IPP: variants seen among roughly 807,000 people sequenced by gnomAD.
IPP encodes intracisternal A particle-promoted polypeptide, also known as actin-binding protein IPP.
IPP carries 41 observed loss-of-function variants against 64.1 expected under a neutral mutation model. The observed-to-expected ratio is 0.64, with a 90% confidence interval of 0.50 to 0.83. The LOEUF (loss-of-function observed/expected upper bound fraction) is 0.83. Ranked by LOEUF, IPP falls within the 40% of genes least tolerant of loss-of-function variation. The pLI, the probability that IPP is intolerant of heterozygous loss-of-function variation, is 0.00. For missense variants in IPP, 649 were observed against 703.0 expected, an observed-to-expected ratio of 0.92 and a Z score of 0.87; for synonymous variants, 214 against 235.2, an observed-to-expected ratio of 0.91 and a Z score of 0.83.
chr1:45,730,185 C>G (rs558394226), intron 3 of IPP, among the ~76,000 whole-genome samples: 1 of 151,986 alleles, frequency 6.6e-6, no homozygotes, highest in African/African-American at 2.4e-5. Flanking sequence ...AACCTTGCTG[C>G]TACAAAAAAT....
intron 1 of IPP, among the ~76,000 whole-genome samples, chr1:45,749,512 GTTTTT>G (rs1172705215): frequency 1.5e-5 from 2 of 134,050 alleles, no homozygotes; most frequent in Non-Finnish European, 3.2e-5. Flanking sequence ...TTTTTGTTTT[GTTTTT>G]GTTTTTTGTT....
chr1:45,737,985 CTAT>C (rs762725927), intron 3 of IPP, among the ~76,000 whole-genome samples: 3 of 152,078 alleles, frequency 2.0e-5, no homozygotes, highest in African/African-American at 4.8e-5. Context: ...TTATTATTAG[CTAT>C]TATTAATCTC....
rs1645421300 is a variant in IPP at position 45,699,661 on chromosome 1, A to T, written c.*305T>A. ...CATATTTTTAGAAAAATCATTCTTG[A>T]GTTTATTTTTTTTCTTTAAGAGACA... is the stretch of plus-strand genomic sequence containing the variant. On this transcript the variant is annotated 3_prime_UTR_variant, in exon 9 of 9. Transcript: ENST00000396478. The T allele has an allele frequency of 9.2e-7, 1 of 1,083,206 alleles. No individual in the cohort carries two copies. The allele number at this position is 1,083,206 out of a possible 1,614,324, so 67.1% of individuals were successfully genotyped here.
At chr1:45,722,868 G>T (rs948755972) in intron 5 of IPP, among the ~76,000 whole-genome samples, 3 of 152,190 alleles carry the variant, frequency 2.0e-5, no homozygotes, top group South Asian at 4.1e-4. Flanking sequence ...CTAAGTGAAA[G>T]AAGTCAGACA....
intron 8 of IPP, among the ~76,000 whole-genome samples, chr1:45,711,981 T>C (rs892663922): frequency 4.6e-5 from 7 of 152,002 alleles, no homozygotes; most frequent in African/African-American, 1.7e-4. Context: ...AGAACAATTG[T>C]GCAAGTAGGA....
intron 1 of IPP, among the ~76,000 whole-genome samples, chr1:45,749,543 C>T (rs1286070220): frequency 2.8e-5 from 3 of 106,736 alleles, no homozygotes; most frequent in Non-Finnish European, 3.8e-5. Context: ...TTTTTTGAGA[C>T]GGAGTCTCGC....
At position 45,732,035 on chromosome 1, in the gene IPP, G is replaced by A. The variant is rs554135396; in HGVS notation, c.725-2266C>T. ...TCAGCTACAAATAGACAGACTCCTC[G>A]TAAGTGCTTCACATGATACAATTGT... On this transcript the variant is annotated intron_variant, in intron 3 of 8. Transcript: ENST00000396478. 2.0e-5 allele frequency among the ~76,000 whole-genome samples: 3 copies of A among 152,074 alleles called. No individual in the cohort carries two copies. The South Asian group carries it at 6.2e-4, about 32-fold the overall frequency.
intron 7 of IPP, among the ~76,000 whole-genome samples, chr1:45,715,369 C>G (rs28539079): frequency 0.1 from 15,565 of 151,726 alleles, 2,512 homozygotes; most frequent in African/African-American, 0.34. Flanking sequence ...AGGCCGGGCG[C>G]GGTGGCTCAC....
intron 3 of IPP, among the ~76,000 whole-genome samples, chr1:45,734,688 C>T (rs769112894): frequency 4.6e-5 from 7 of 151,846 alleles, no homozygotes; most frequent in East Asian, 3.9e-4. Context: ...GGTGAGATCT[C>T]GGCTCACTGC....
intron 2 of IPP, among the ~76,000 whole-genome samples, chr1:45,743,872 C>G (rs982195377): frequency 2.6e-5 from 4 of 151,700 alleles, no homozygotes; most frequent in African/African-American, 4.8e-5. Context: ...CAAAAATTAG[C>G]TGGGCATGTT....
chr1:45,695,153 G>A (rs1645375604), downstream of IPP, among the ~76,000 whole-genome samples: 1 of 151,928 alleles, frequency 6.6e-6, no homozygotes, highest in Admixed American at 6.6e-5. Context: ...TTTTAGCTTT[G>A]GTGTGTTTTT....
intron 8 of IPP, among the ~76,000 whole-genome samples, chr1:45,708,679 CA>C (rs770829388): frequency 0.045 from 1,618 of 36,042 alleles, 27 homozygotes; most frequent in African/African-American, 0.12. Context: ...AACTCACCTC[CA>C]AAAAAAAAAA....
At chr1:45,746,033 G>T (rs981914912) in intron 2 of IPP, 87 bp downstream of exon 2, 1 of 1,140,868 alleles carries the variant, frequency 8.8e-7, no homozygotes, top group South Asian at 1.5e-5. Context: ...TTACCTTCTA[G>T]ATAAGTTAGA....
intron 8 of IPP, among the ~76,000 whole-genome samples, chr1:45,701,923 C>T (rs1171439074): frequency 6.6e-6 from 1 of 151,978 alleles, no homozygotes; most frequent in Non-Finnish European, 1.5e-5. Flanking sequence ...AAATACTAAA[C>T]CAGGGACAAT....
chr1:45,714,367 G>A lies in IPP; in HGVS notation c.1409C>T (p.Pro470Leu). ...AAGATATGCTCTCCTGGTTCCCATT[G>A]GAGGAAGTGGAGACCAACGCTTAGA... Reference protein sequence around the residue: ...PLSKRWSPLPPMGTRRAYLGV... With the variant: ...PLSKRWSPLPLMGTRRAYLGV... The change falls in exon 8 of 9, where the codon CCA becomes CTA. Residue 470 changes from proline to leucine, a missense_variant. Coordinates refer to ENST00000396478, the MANE Select transcript of IPP (RefSeq NM_005897.3). 1.2e-6 allele frequency: 2 copies of A among 1,613,836 alleles called. No homozygotes were observed. Among genetic ancestry groups the A allele is most frequent in the Non-Finnish European group, 1.7e-6 (2 of 1,179,700 alleles).
At chr1:45,743,677 C>G (rs1407998970) in intron 2 of IPP, among the ~76,000 whole-genome samples, 3 of 151,830 alleles carry the variant, frequency 2.0e-5, no homozygotes, top group Admixed American at 2.0e-4. Flanking sequence ...CCACTGCATT[C>G]CAGCGTGGGT....
chr1:45,735,626 T>A (rs1019975143), intron 3 of IPP, among the ~76,000 whole-genome samples: 5 of 135,032 alleles, frequency 3.7e-5, no homozygotes, highest in African/African-American at 1.4e-4. Flanking sequence ...TGGCTATTTT[T>A]TTTTTTTTTT....
intron 6 of IPP, among the ~76,000 whole-genome samples, chr1:45,717,221 GAAAAAA>G (rs56338317): frequency 1.5e-4 from 14 of 95,262 alleles, no homozygotes; most frequent in Non-Finnish European, 2.2e-4. Context: ...GCTCTTTTGA[GAAAAAA>G]AAAAAAAAAA....
intron 5 of IPP, among the ~76,000 whole-genome samples, chr1:45,725,042 G>A (rs1314815480): frequency 1.3e-5 from 2 of 149,006 alleles, no homozygotes; most frequent in African/African-American, 2.5e-5. Context: ...CGCCCGGCCA[G>A]CCGCCCCGTC....
Sources: gnomAD v4.1 joint callset for allele counts (sites outside exome capture counted in the v4.1 genomes callset) on GRCh38, gnomAD v4.1.1 for gene constraint, MANE v1.5 for transcripts, NCBI Gene and HGNC (gene_info 2026-07-23, HGNC 2026-07-21) for gene names.